The following CUEDC1 variants were observed in gnomAD, a reference collection of about 807,000 sequenced individuals.
CUEDC1 encodes the protein CUE domain containing 1, also known as CUE domain-containing protein 1.
Under a neutral mutation model 43.7 loss-of-function variants are expected in CUEDC1, and 30 were observed. The observed-to-expected ratio is 0.69, with a 90% CI of 0.51 to 0.93. The LOEUF (loss-of-function observed/expected upper bound fraction) is 0.93. Ranked by LOEUF, CUEDC1 falls within the 40% of genes least tolerant of loss-of-function variation. The pLI, the probability that CUEDC1 is intolerant of heterozygous loss-of-function variation, is 0.00. For synonymous variants in CUEDC1, 223 were observed against 223.6 expected (o/e 1.00, Z 0.02); for missense variants, 486 against 549.0 (o/e 0.89, Z 1.15).
chr17:57,929,570 G>A (rs1014493203), intron 1 of CUEDC1, among the ~76,000 whole-genome samples: 6 of 152,188 alleles, frequency 3.9e-5, no homozygotes, highest in African/African-American at 1.4e-4. Context: ...TCTTAGAACA[G>A]GGTATAGACC....
intron 4 of CUEDC1, 44 bp from the exon 5 acceptor site, chr17:57,872,899 A>T (rs746031750): frequency 6.4e-7 from 1 of 1,555,728 alleles, no homozygotes. Flanking sequence ...ACACAAGGGT[A>T]CATGTTGCAC....
intron 1 of CUEDC1, among the ~76,000 whole-genome samples, chr17:57,925,191 T>A (rs2143128113): frequency 6.6e-6 from 1 of 151,394 alleles, no homozygotes. Context: ...ATCAGAATGA[T>A]CAATTTTACT....
intron 3 of CUEDC1, 71 bp downstream of exon 3, chr17:57,879,540 G>C: frequency 5.4e-6 from 8 of 1,491,354 alleles, no homozygotes; most frequent in Non-Finnish European, 7.1e-6. Flanking sequence ...GTTTCGTGTT[G>C]TTTGTACACA....
At chr17:57,928,784 C>T (rs572524674) in intron 1 of CUEDC1, among the ~76,000 whole-genome samples, 2 of 125,882 alleles carry the variant, frequency 1.6e-5, no homozygotes, top group South Asian at 4.9e-4. Context: ...GCCTGGGAGA[C>T]AGTATCCAGG....
intron 6 of CUEDC1, 87 bp downstream of exon 6, chr17:57,871,199 C>G: frequency 1.9e-6 from 2 of 1,074,100 alleles, no homozygotes; most frequent in East Asian, 2.4e-5. Context: ...TTTTCACCCT[C>G]CTCTCAAACT....
At chr17:57,882,448 G>A (rs2074222895) in intron 2 of CUEDC1, among the ~76,000 whole-genome samples, 1 of 152,180 alleles carries the variant, frequency 6.6e-6, no homozygotes, top group South Asian at 2.1e-4. Context: ...CTATAGGACT[G>A]TGGGGGCCAT....
intron 3 of CUEDC1, among the ~76,000 whole-genome samples, chr17:57,876,758 G>T (rs896604153): frequency 6.6e-6 from 1 of 152,200 alleles, no homozygotes. Flanking sequence ...ACTGGCCTCT[G>T]GGGGAAGCCT....
At chr17:57,875,527 G>A (rs1334918666) in intron 3 of CUEDC1, among the ~76,000 whole-genome samples, 1 of 152,126 alleles carries the variant, frequency 6.6e-6, no homozygotes, top group Non-Finnish European at 1.5e-5. Context: ...AGGCAGCCCA[G>A]GCAACTCCAT....
chr17:57,902,179 G>A (rs527860674), intron 1 of CUEDC1, among the ~76,000 whole-genome samples: 7 of 150,134 alleles, frequency 4.7e-5, no homozygotes, highest in African/African-American at 1.7e-4. Flanking sequence ...AGACAAGAGC[G>A]AGACTCCACC....
chr17:57,931,273 T>A (rs576431801), intron 1 of CUEDC1, among the ~76,000 whole-genome samples: 1 of 151,966 alleles, frequency 6.6e-6, no homozygotes, highest in South Asian at 2.1e-4. Context: ...AGTGACATCC[T>A]GTCTCAAAAA....
At chr17:57,884,603 G>T (rs1203270872) in intron 2 of CUEDC1, among the ~76,000 whole-genome samples, 7 of 152,148 alleles carry the variant, frequency 4.6e-5, no homozygotes. Context: ...AGCCAGTGAG[G>T]CACTATTTCA....
At position 57,925,930 on chromosome 17, in the gene CUEDC1, G is replaced by T. The variant is rs987696616; in HGVS notation, c.-316+29295C>A. On this transcript the variant is annotated intron_variant, in intron 1 of 10. Coordinates refer to ENST00000577830, the MANE Select transcript of CUEDC1 (RefSeq NM_001271875.2). The stretch of plus-strand genomic sequence containing the variant: ...CTCTGCCACCTGTGGTTGGCCCAGA[G>T]GTGGCAAGGGTGGTCTGGCTGGGGC... 3.9e-5 allele frequency among the ~76,000 whole-genome samples: 6 copies of T among 152,222 alleles called. 1 individual carries two copies. The highest frequency in any genetic ancestry group is 1.4e-4 in the African/African-American group (6 of 41,460).
In CUEDC1 at chr17:57,872,719, T is replaced by G. The variant is rs1203843197; in HGVS notation, c.728A>C (p.Glu243Ala). The change falls in exon 5 of 11, where the codon GAG becomes GCG. Residue 243 changes from glutamate to alanine, a missense_variant. By Grantham distance (107) the Glu-to-Ala change is moderately radical. Transcript: ENST00000577830. ...CCGTTGCAGCTCCTTCATGAACTCCTCGTTCTGCAGGAAAAGCGCGATCCT... is the reference window on the plus strand; with the variant it reads ...CCGTTGCAGCTCCTTCATGAACTCCGCGTTCTGCAGGAAAAGCGCGATCCT... ...DERIALFLQN[E>A]EFMKELQRNR... The G allele has an allele frequency of 1.2e-6, 2 of 1,614,066 alleles. No individual in the cohort carries two copies. Among genetic ancestry groups the G allele is most frequent in the Non-Finnish European group, 1.7e-6 (2 of 1,180,036 alleles).
chr17:57,886,442 G>A (rs894106490), intron 1 of CUEDC1, among the ~76,000 whole-genome samples: 3 of 152,202 alleles, frequency 2.0e-5, no homozygotes, highest in Admixed American at 6.5e-5. Context: ...ATCGAACCCC[G>A]GGGACAGCAG....
At chr17:57,877,081 C>T (rs1400280839) in intron 3 of CUEDC1, among the ~76,000 whole-genome samples, 2 of 152,222 alleles carry the variant, frequency 1.3e-5, no homozygotes, top group African/African-American at 4.8e-5. Context: ...TCTGACTCCA[C>T]AAGTCAAGTT....
At chr17:57,933,032 C>T (rs2074823850) in intron 1 of CUEDC1, among the ~76,000 whole-genome samples, 1 of 152,166 alleles carries the variant, frequency 6.6e-6, no homozygotes, top group African/African-American at 2.4e-5. Flanking sequence ...CCAGTTGTAA[C>T]ACTGCCAATG....
Position 57,871,275 on chromosome 17 carries a change from G to A in CUEDC1, c.868+11C>T, listed in dbSNP as rs1231469272. On this transcript the variant is annotated intron_variant, in intron 6 of 10. Transcript: ENST00000577830. Reference sequence around the variant, plus strand: ...TGCCTCTAGGTTTTCTTCCCCAGAAGGCAAAGTTACCTGGGACAGGAGAGG... The same window carrying A: ...TGCCTCTAGGTTTTCTTCCCCAGAAAGCAAAGTTACCTGGGACAGGAGAGG... 6.2e-7 allele frequency: 1 copy of A among 1,609,536 alleles called. No individual in the cohort carries two copies. Among genetic ancestry groups the A allele is most frequent in the South Asian group, 1.1e-5 (1 of 90,988 alleles).
Position 57,868,259 on chromosome 17 carries a change from C to A in CUEDC1, c.941-16G>T, listed in dbSNP as rs182806198. 1.3e-4 allele frequency: 211 copies of A among 1,610,636 alleles called. No individual in the cohort carries two copies. In the East Asian group the frequency reaches 4.4e-3, roughly 33 times the overall value. On this transcript the variant is annotated splice_polypyrimidine_tract_variant and intron_variant, in intron 7 of 10. Coordinates refer to ENST00000577830, the MANE Select transcript of CUEDC1 (RefSeq NM_001271875.2). ...CTCCGGGTGGCTGGGGGCAGAGAGA[C>A]CTGTGAGTCATTCTCTCAGCAGCCA...
At chr17:57,871,932 A>G (rs2074040059) in intron 5 of CUEDC1, among the ~76,000 whole-genome samples, 1 of 152,230 alleles carries the variant, frequency 6.6e-6, no homozygotes, top group Admixed American at 6.5e-5. Context: ...CTCAAAAAAT[A>G]AAAAATAAAC....
Sources: gnomAD v4.1 joint callset for allele counts (sites outside exome capture counted in the v4.1 genomes callset) on GRCh38, gnomAD v4.1.1 for gene constraint, MANE v1.5 for transcripts, NCBI Gene and HGNC (gene_info 2026-07-23, HGNC 2026-07-21) for gene names.